SDK1: variants seen among roughly 807,000 people sequenced by gnomAD.
The protein encoded by SDK1 is protein sidekick-1.
A neutral mutation model predicts 245.5 loss-of-function variants in SDK1; 157 were observed. The observed-to-expected ratio is 0.64, with a 90% confidence interval of 0.56 to 0.73. SDK1 has a LOEUF of 0.73. Ranked by LOEUF, SDK1 falls within the 30% of genes least tolerant of loss-of-function variation. The probability of loss-of-function intolerance (pLI) is 0.00; values close to 1 mark genes in which losing one functional copy is unlikely to be tolerated. For missense variants in SDK1, 3,583 were observed against 3,002.3 expected (o/e 1.19, Z -4.52); for synonymous variants, 1,647 against 1,278.5 (o/e 1.29, Z -6.15).
chr7:4,067,963 GA>G, intron 20 of SDK1, 27 bp downstream of exon 20: 2 of 1,524,604 alleles, frequency 1.3e-6, no homozygotes, highest in Non-Finnish European at 1.8e-6. Context: ...TTCAAAAAAG[GA>G]AAAGATAAGT....
intron 1 of SDK1, among the ~76,000 whole-genome samples, chr7:3,586,987 A>G (rs186096903): frequency 6.6e-6 from 1 of 152,250 alleles, no homozygotes; most frequent in East Asian, 1.9e-4. Flanking sequence ...AGCAGACAGC[A>G]TAGTGCTAAC....
At chr7:3,918,192 G>C (rs776702535) in intron 5 of SDK1, among the ~76,000 whole-genome samples, 2 of 152,068 alleles carry the variant, frequency 1.3e-5, no homozygotes, top group African/African-American at 4.8e-5. Flanking sequence ...TCAACACCGC[G>C]GTACCCTGGA....
rs76630144 is a variant in SDK1 at position 3,375,738 on chromosome 7, A to C, written c.298+73854A>C. Reference sequence around the variant, plus strand: ...TGCCATGTGGGTGAGCCATCTGGGAAGTGGATCCTCCAGCCCCAGGGAAGC... The same window carrying C: ...TGCCATGTGGGTGAGCCATCTGGGACGTGGATCCTCCAGCCCCAGGGAAGC... On this transcript the variant is annotated intron_variant, in intron 1 of 44. Coordinates refer to ENST00000404826, the MANE Select transcript of SDK1 (RefSeq NM_152744.4). Among the ~76,000 whole-genome samples the C allele has an allele frequency of 9.2e-3, 1,395 of 152,242 alleles. 29 individuals carry two copies. The highest frequency in any genetic ancestry group is 0.032 in the African/African-American group (1,313 of 41,536).
chr7:4,114,305 C>A, intron 25 of SDK1, 31 bp downstream of exon 25: 2 of 1,531,408 alleles, frequency 1.3e-6, no homozygotes, highest in Non-Finnish European at 8.8e-7. Flanking sequence ...ATCCTGGAGA[C>A]ACCGCATTAG....
chr7:3,510,818 T>C (rs1398228243), intron 1 of SDK1, among the ~76,000 whole-genome samples: 13 of 152,234 alleles, frequency 8.5e-5, no homozygotes, highest in Admixed American at 8.5e-4. Context: ...ATGGAGATTC[T>C]CTGTAGATGT....
chr7:3,385,622 A>G (rs530136557), intron 1 of SDK1, among the ~76,000 whole-genome samples: 2 of 152,138 alleles, frequency 1.3e-5, no homozygotes, highest in East Asian at 1.9e-4. Flanking sequence ...ATCTTATTTC[A>G]GCTCTCAGTC....
Position 3,851,187 on chromosome 7 carries a change from G to A in SDK1, c.847+29604G>A, listed in dbSNP as rs186895673. ...ATCATTTTATTAAAATTCACTTAAA[G>A]CTTGTTGAAAGCAGGCAGAGATGCT... is the stretch of plus-strand genomic sequence containing the variant. On this transcript the variant is annotated intron_variant, in intron 5 of 44. Transcript: ENST00000404826. Among the ~76,000 whole-genome samples the A allele has an allele frequency of 3.0e-4, 46 of 152,222 alleles. No individual in the cohort carries two copies. The East Asian group carries it at 7.3e-3, about 24-fold the overall frequency.
intron 1 of SDK1, among the ~76,000 whole-genome samples, chr7:3,379,480 G>A (rs1781433090): frequency 6.6e-6 from 1 of 152,172 alleles, no homozygotes; most frequent in Non-Finnish European, 1.5e-5. Flanking sequence ...AGTGTTCCAA[G>A]CTTTGGAAAC....
At chr7:3,445,442 T>A (rs1185405054) in intron 1 of SDK1, among the ~76,000 whole-genome samples, 1 of 152,320 alleles carries the variant, frequency 6.6e-6, no homozygotes, top group East Asian at 1.9e-4. Context: ...GAGCAAATTA[T>A]CATCTTGAAT....
intron 10 of SDK1, 98 bp from the exon 11 acceptor site, chr7:3,969,159 G>C: frequency 1.7e-6 from 2 of 1,148,282 alleles, no homozygotes; most frequent in African/African-American, 1.6e-5. Flanking sequence ...TGGGGACACG[G>C]AGCCGAACCA....
At chr7:4,151,041 C>T (rs1226646712) in intron 30 of SDK1, among the ~76,000 whole-genome samples, 1 of 152,196 alleles carries the variant, frequency 6.6e-6, no homozygotes, top group African/African-American at 2.4e-5. Flanking sequence ...GGTGATAAGG[C>T]CCTTTGGACG....
At chr7:3,622,422 A>G (rs1020943663) in intron 2 of SDK1, among the ~76,000 whole-genome samples, 3 of 152,222 alleles carry the variant, frequency 2.0e-5, no homozygotes, top group African/African-American at 7.2e-5. Context: ...CAGAGGTTGC[A>G]GTGAGCCAGG....
At chr7:3,895,502 C>G (rs1781580015) in intron 5 of SDK1, among the ~76,000 whole-genome samples, 1 of 152,170 alleles carries the variant, frequency 6.6e-6, no homozygotes. Flanking sequence ...ATCCCTTCTT[C>G]TGGAACATGG....
intron 1 of SDK1, among the ~76,000 whole-genome samples, chr7:3,613,770 A>G (rs1003528443): frequency 1.3e-5 from 2 of 152,184 alleles, no homozygotes; most frequent in Non-Finnish European, 2.9e-5. Context: ...TGTGGTACAT[A>G]TACACCATGG....
chr7:3,767,716 C>T (rs1724042680), intron 4 of SDK1, among the ~76,000 whole-genome samples: 2 of 152,104 alleles, frequency 1.3e-5, no homozygotes, highest in South Asian at 4.2e-4. Flanking sequence ...AGAATCTGAA[C>T]CCAGGCTGTC....
At chr7:3,462,554 C>G (rs969092192) in intron 1 of SDK1, among the ~76,000 whole-genome samples, 1 of 152,150 alleles carries the variant, frequency 6.6e-6, no homozygotes, top group Non-Finnish European at 1.5e-5. Flanking sequence ...TACCTGTTAA[C>G]TTGATATTTC....
intron 4 of SDK1, among the ~76,000 whole-genome samples, chr7:3,787,247 C>T (rs117469382): frequency 0.013 from 1,983 of 151,816 alleles, 12 homozygotes; most frequent in South Asian, 0.022. Flanking sequence ...CTTTTTCCCA[C>T]CTAATTACCT....
At chr7:3,616,003 G>A (rs1781758940) in intron 1 of SDK1, among the ~76,000 whole-genome samples, 1 of 151,894 alleles carries the variant, frequency 6.6e-6, no homozygotes, top group Non-Finnish European at 1.5e-5. Context: ...CTCCACCTCA[G>A]CTTCCTTAGT....
chr7:4,050,469 C>G (rs146987425), intron 18 of SDK1, among the ~76,000 whole-genome samples: 109 of 152,346 alleles, frequency 7.2e-4, no homozygotes, highest in Middle Eastern at 3.4e-3. Flanking sequence ...CGTTTGATGA[C>G]TTCGCTGTCA....
Sources: allele counts gnomAD v4.1 joint callset (sites outside exome capture counted in the v4.1 genomes callset), GRCh38; gene constraint gnomAD v4.1.1; transcripts MANE v1.5; gene names NCBI Gene and HGNC (gene_info 2026-07-23, HGNC 2026-07-21).